The following COL4A3 variants were observed in gnomAD, a reference collection of about 807,000 sequenced individuals.
COL4A3 encodes the protein collagen alpha-3(IV) chain.
In COL4A3, 135 loss-of-function variants were observed where a neutral mutation model predicts 217.4. The ratio of observed to expected loss-of-function variants is 0.62; its 90% confidence interval spans 0.54 to 0.72. COL4A3 has a LOEUF of 0.72. Ranked by LOEUF, COL4A3 falls within the 30% of genes least tolerant of loss-of-function variation. The pLI, the probability that COL4A3 is intolerant of heterozygous loss-of-function variation, is 0.00. For missense variants in COL4A3, 1,868 were observed against 2,119.9 expected (o/e 0.88, Z 2.33); for synonymous variants, 690 against 736.3 (o/e 0.94, Z 1.02).
chr2:227,217,022 T>C (rs2067551936), intron 1 of COL4A3, among the ~76,000 whole-genome samples: 1 of 152,196 alleles, frequency 6.6e-6, no homozygotes, highest in South Asian at 2.1e-4. Context: ...GATAAAGATA[T>C]ACCCAAGACT....
rs376091129 is a variant in COL4A3 at position 227,297,740 on chromosome 2, A to G, written c.3632A>G (p.Asp1211Gly). ...CCGGGCAGAAAAGGGGCCATGGGAGATGCTGGACCTCGAGGACCCACAGGC... is the reference window on the plus strand; with the variant it reads ...CCGGGCAGAAAAGGGGCCATGGGAGGTGCTGGACCTCGAGGACCCACAGGC... ...GLPGRKGAMG[D>G]AGPRGPTGIE... is the part of the protein sequence containing the mutation. Residue 1211 changes from aspartate (D) to glycine (G), a missense_variant, in exon 42 of 52, where the codon GAT becomes GGT. Around this residue, in one of 2 missense-constraint regions of COL4A3, gnomAD observed 1,503 missense variants for 1,786.1 expected, o/e 0.84. Transcript: ENST00000396578. 6.2e-7 allele frequency: 1 copy of G among 1,606,028 alleles called. No individual in the cohort carries two copies. The highest frequency in any genetic ancestry group is 1.3e-5 in the African/African-American group (1 of 74,972).
At chr2:227,213,123 A>G (rs1408642831) in intron 1 of COL4A3, among the ~76,000 whole-genome samples, 1 of 152,238 alleles carries the variant, frequency 6.6e-6, no homozygotes, top group Non-Finnish European at 1.5e-5. Flanking sequence ...AATCAAGGTC[A>G]CAGTGCTATT....
chr2:227,191,811 A>G lies in COL4A3; in HGVS notation c.87+26998A>G, dbSNP rs1336210246. ...ATTTTTTTCATAATTAGTTTCTGGAACGCTAATAATAAGAAGAACTTAGAA... is the reference window on the plus strand; with the variant it reads ...ATTTTTTTCATAATTAGTTTCTGGAGCGCTAATAATAAGAAGAACTTAGAA... On this transcript the variant is annotated intron_variant, in intron 1 of 51. Transcript: ENST00000396578. The surrounding 1 kb of genome is among the most constrained non-coding windows in gnomAD (Gnocchi z 6.8). Among the ~76,000 whole-genome samples, 1 of 152,228 alleles carries G rather than the reference A, an allele frequency of 6.6e-6. No individual in the cohort carries two copies. Among genetic ancestry groups the G allele is most frequent in the Non-Finnish European group, 1.5e-5 (1 of 68,040 alleles).
chr2:227,262,635 T>C (rs143646628), intron 20 of COL4A3, among the ~76,000 whole-genome samples: 95 of 152,264 alleles, frequency 6.2e-4, no homozygotes, highest in African/African-American at 2.1e-3. Flanking sequence ...AGGTATTTTA[T>C]TGTGTGTGTG....
At chr2:227,271,038 G>A in intron 25 of COL4A3, 86 bp downstream of exon 25, 1 of 1,322,208 alleles carries the variant, frequency 7.6e-7, no homozygotes, top group Non-Finnish European at 1.1e-6. Flanking sequence ...AAAATGGTTG[G>A]CCGCTCAGCA....
At chr2:227,194,156 T>C (rs1414739704) in intron 1 of COL4A3, among the ~76,000 whole-genome samples, 3 of 151,990 alleles carry the variant, frequency 2.0e-5, no homozygotes, top group Admixed American at 6.6e-5. Flanking sequence ...CTGAAGAAAA[T>C]GCATACCTGT....
chr2:227,285,277 T>TAAAAAAAAACAAAAAAAA (rs2072245626), intron 34 of COL4A3, among the ~76,000 whole-genome samples: 1 of 72,374 alleles, frequency 1.4e-5, no homozygotes, highest in Non-Finnish European at 2.4e-5. Flanking sequence ...CTGCCAAACC[T>TAAAAAAAAACAAAAAAAA]AAAAAAAAAA....
intron 1 of COL4A3, among the ~76,000 whole-genome samples, chr2:227,183,447 CA>C (rs2065919663): frequency 6.6e-6 from 1 of 152,128 alleles, no homozygotes; most frequent in South Asian, 2.1e-4. Context: ...GAGACCAGAA[CA>C]AGGTGGTGGA....
At position 227,298,381 on chromosome 2, in the gene COL4A3, T is replaced by G. The variant is rs111519376; in HGVS notation, c.3752-301T>G. Among the ~76,000 whole-genome samples the G allele has an allele frequency of 1.2e-3, 189 of 152,242 alleles. 1 individual carries two copies. The highest frequency in any genetic ancestry group is 4.4e-3 in the African/African-American group (183 of 41,546). ...AAATAATTAGCCTAAAAGACAGTGA[T>G]GCATTCATTCAACTCTATTTGTTGA... On this transcript the variant is annotated intron_variant, in intron 42 of 51. Coordinates refer to ENST00000396578, the MANE Select transcript of COL4A3 (RefSeq NM_000091.5).
At chr2:227,267,900 C>T (rs1402627517) in intron 23 of COL4A3, among the ~76,000 whole-genome samples, 1 of 152,206 alleles carries the variant, frequency 6.6e-6, no homozygotes, top group Non-Finnish European at 1.5e-5. Flanking sequence ...ACTCTCCACA[C>T]CACACGGTTA....
At chr2:227,211,059 G>A (rs1042757013) in intron 1 of COL4A3, among the ~76,000 whole-genome samples, 1 of 152,166 alleles carries the variant, frequency 6.6e-6, no homozygotes, top group Non-Finnish European at 1.5e-5. Context: ...GGAGTGCAGT[G>A]GTGCAATCTC....
rs2072031428 is a variant in COL4A3 at position 227,282,299 on chromosome 2, TA to T, written c.2489-65del. 7 of 836,452 alleles carry T rather than the reference TA, an allele frequency of 8.4e-6. No individual in the cohort carries two copies. The East Asian group carries it at 2.5e-4, about 30-fold the overall frequency. 51.8% of individuals were successfully genotyped at this position (836,452 alleles called of 1,614,324 possible). ...AAATATATATATATATATATATATA[TA>T]TTTCTGAAGTTAGTAGGGGAAAGCA... On this transcript the variant is annotated intron_variant, in intron 31 of 51. Coordinates refer to ENST00000396578, the MANE Select transcript of COL4A3 (RefSeq NM_000091.5). This position sits in a 1 kb window ranked among gnomAD's most constrained non-coding sequence, Gnocchi z 4.4.
intron 1 of COL4A3, among the ~76,000 whole-genome samples, chr2:227,181,996 A>G (rs2065880581): frequency 6.6e-6 from 1 of 152,200 alleles, no homozygotes; most frequent in East Asian, 1.9e-4. Context: ...ATGTATATCT[A>G]TCTTTTCTTA....
rs367545191 is a variant in COL4A3, at chr2:227,205,336, AAAAT to A, written c.88-32627_88-32624del. Among the ~76,000 whole-genome samples the A allele has an allele frequency of 2.9e-3, 435 of 152,298 alleles. 1 individual carries two copies. The highest frequency in any genetic ancestry group is 8.4e-3 in the African/African-American group (351 of 41,574). On this transcript the variant is annotated intron_variant, in intron 1 of 51. Coordinates refer to ENST00000396578, the MANE Select transcript of COL4A3 (RefSeq NM_000091.5). ...GTGTATATACGATATTCTATCAAAT[AAAAT>A]AAATTAACTTTTGATAAAGATCAAT...
intron 38 of COL4A3, 118 bp downstream of exon 38, chr2:227,293,435 C>A: frequency 1.7e-6 from 2 of 1,146,164 alleles, no homozygotes; most frequent in Non-Finnish European, 2.5e-6. Context: ...TGCTTTTATT[C>A]AACTTTGAAC....
intron 1 of COL4A3, among the ~76,000 whole-genome samples, chr2:227,200,188 A>G (rs16823334): frequency 0.047 from 7,097 of 152,258 alleles, 197 homozygotes; most frequent in Middle Eastern, 0.075. Flanking sequence ...AAGAACAGGA[A>G]CGAAGTTTGT....
intron 23 of COL4A3, among the ~76,000 whole-genome samples, 162 bp from the exon 24 acceptor site, chr2:227,269,746 TTC>T (rs1263491430): frequency 3.3e-5 from 5 of 152,336 alleles, no homozygotes; most frequent in Admixed American, 3.3e-4. Flanking sequence ...TGATCTCTTG[TTC>T]TGTTATTTAC....
chr2:227,256,087 G>T lies in COL4A3; in HGVS notation c.933+17G>T. Reference sequence around the variant, plus strand: ...GGAAGTGAGGTATAGAGTTGATTTGGCCTATGGAGGTAGTAAAAATGTCAG... The same window carrying T: ...GGAAGTGAGGTATAGAGTTGATTTGTCCTATGGAGGTAGTAAAAATGTCAG... On this transcript the variant is annotated intron_variant, in intron 16 of 51. Coordinates refer to ENST00000396578, the MANE Select transcript of COL4A3 (RefSeq NM_000091.5). 6.2e-7 allele frequency: 1 copy of T among 1,612,044 alleles called. No homozygotes were observed. The highest frequency in any genetic ancestry group is 8.5e-7 in the Non-Finnish European group (1 of 1,178,184).
At chr2:227,178,017 A>G (rs1365161156) in intron 1 of COL4A3, among the ~76,000 whole-genome samples, 2 of 152,222 alleles carry the variant, frequency 1.3e-5, no homozygotes, top group Admixed American at 6.5e-5. Flanking sequence ...AAAAAATTGT[A>G]TGCTGAGATT....
Sources: allele counts gnomAD v4.1 joint callset (sites outside exome capture counted in the v4.1 genomes callset), GRCh38; gene constraint gnomAD v4.1.1; regional missense constraint gnomAD v4.1.1; non-coding constraint Gnocchi (gnomAD v3.1); transcripts MANE v1.5; gene names NCBI Gene and HGNC (gene_info 2026-07-23, HGNC 2026-07-21).